Variants in SLC9B1 observed in about 807,000 individuals in gnomAD.
The protein encoded by SLC9B1 is sodium/hydrogen exchanger 9B1.
SLC9B1 carries 32 observed loss-of-function variants against 51.7 expected under a neutral mutation model. The observed-to-expected ratio is 0.62, with a 90% CI of 0.47 to 0.83. SLC9B1 has a LOEUF of 0.83. Among genes scored for constraint, SLC9B1 ranks in the 40% least tolerant of loss-of-function variants. The pLI is 0.00. For missense variants in SLC9B1, 406 were observed against 613.2 expected, an observed-to-expected ratio of 0.66 and a Z score of 3.57; for synonymous variants, 145 against 212.7, an observed-to-expected ratio of 0.68 and a Z score of 2.77.
At chr4:102,998,188 A>G (rs1347207507) in intron 1 of SLC9B1, among the ~76,000 whole-genome samples, 1 of 151,986 alleles carries the variant, frequency 6.6e-6, no homozygotes, top group East Asian at 1.9e-4. Context: ...CCCTCCTCCA[A>G]TCCCTGATAG....
At chr4:102,927,347 C>A (rs543526392) in intron 7 of SLC9B1, among the ~76,000 whole-genome samples, 1 of 150,762 alleles carries the variant, frequency 6.6e-6, no homozygotes, top group African/African-American at 2.4e-5. Flanking sequence ...TGCGATCTAC[C>A]CATTTGACAA....
At chr4:102,910,804 C>G (rs1179338523) in intron 8 of SLC9B1, among the ~76,000 whole-genome samples, 3 of 152,090 alleles carry the variant, frequency 2.0e-5, no homozygotes, top group African/African-American at 4.8e-5. Context: ...TCTGCCATAT[C>G]TCTGATACTA....
chr4:102,940,473 A>C (rs1445323576), intron 6 of SLC9B1, among the ~76,000 whole-genome samples: 1 of 152,160 alleles, frequency 6.6e-6, no homozygotes, highest in Non-Finnish European at 1.5e-5. Context: ...CATACTATCA[A>C]TGACATTTTT....
At chr4:103,006,798 A>C (rs768577815) in intron 1 of SLC9B1, among the ~76,000 whole-genome samples, 20 of 152,234 alleles carry the variant, frequency 1.3e-4, no homozygotes, top group Non-Finnish European at 2.5e-4. Context: ...ACGATCAAGT[A>C]GACTTTATCC....
chr4:102,890,477 T>C (rs1326379224), intron 11 of SLC9B1: 2 of 152,162 alleles, frequency 1.3e-5, no homozygotes, highest in Non-Finnish European at 2.9e-5. Flanking sequence ...TAGAATTCAG[T>C]TGTGGCAGCA....
At chr4:103,006,160 T>C (rs754632554) in intron 1 of SLC9B1, among the ~76,000 whole-genome samples, 1 of 151,274 alleles carries the variant, frequency 6.6e-6, no homozygotes, top group African/African-American at 2.4e-5. Flanking sequence ...AATCCAGGAG[T>C]TGGTTTTTTG....
intron 3 of SLC9B1, among the ~76,000 whole-genome samples, chr4:102,961,669 C>T (rs553738920): frequency 3.7e-4 from 57 of 152,162 alleles, no homozygotes; most frequent in Non-Finnish European, 6.5e-4. Context: ...CTTTAATTCC[C>T]ATTCACTATT....
downstream of SLC9B1, chr4:102,897,659 T>C (rs1041330905): frequency 1.5e-4 from 53 of 349,310 alleles, no homozygotes; most frequent in Non-Finnish European, 2.8e-4. Context: ...CTCCCTAAAT[T>C]GCTCAGGGTG....
chr4:102,947,904 C>G (rs761665465), intron 4 of SLC9B1, among the ~76,000 whole-genome samples: 1 of 147,494 alleles, frequency 6.8e-6, no homozygotes, highest in Non-Finnish European at 1.5e-5. Context: ...TCTACATACA[C>G]TTTAGAAAGT....
chr4:102,885,433 A>G, intron 11 of SLC9B1: 1 of 1,612,184 alleles, frequency 6.2e-7, no homozygotes, highest in South Asian at 1.1e-5. Context: ...CTAAAACGGT[A>G]AGATGTCTGT....
intron 11 of SLC9B1, chr4:102,892,015 A>G (rs1276044671): frequency 6.6e-6 from 1 of 152,166 alleles, no homozygotes; most frequent in Non-Finnish European, 1.5e-5. Context: ...CTTTTACTGG[A>G]AACTTGCTAT....
rs558553924 is a variant in SLC9B1 at position 103,011,507 on chromosome 4, G to A, written c.-2+8092C>T. Among the ~76,000 whole-genome samples, 10 of 152,262 alleles carry A rather than the reference G, an allele frequency of 6.6e-5. No individual in the cohort carries two copies. In the South Asian group the frequency reaches 1.9e-3, roughly 28 times the overall value. On this transcript the variant is annotated intron_variant, in intron 1 of 11. Coordinates refer to ENST00000296422, the MANE Select transcript of SLC9B1 (RefSeq NM_139173.4). ...AGCTCCACTAGGCATTGCTCTTATG[G>A]GGGCTCTCTGCGGTATCCCTGACTC...
At position 103,014,461 on chromosome 4, in the gene SLC9B1, G is replaced by A. The variant is rs535964176; in HGVS notation, c.-2+5138C>T. On this transcript the variant is annotated intron_variant, in intron 1 of 11. Coordinates refer to ENST00000296422, the MANE Select transcript of SLC9B1 (RefSeq NM_139173.4). ...GAGAGCCCATTATATTACAGATACT[G>A]TATTCTCCTCTGTATACAGAATGTG... is the stretch of plus-strand genomic sequence containing the variant. 3.2e-4 allele frequency among the ~76,000 whole-genome samples: 48 copies of A among 152,262 alleles called. 1 individual carries two copies. In the South Asian group the frequency reaches 1.0e-2, roughly 32 times the overall value.
chr4:103,011,637 A>G (rs1312059231), intron 1 of SLC9B1, among the ~76,000 whole-genome samples: 3 of 151,866 alleles, frequency 2.0e-5, no homozygotes, highest in Admixed American at 2.0e-4. Context: ...CTCCTTTGAA[A>G]TCTATGCGGA....
intron 3 of SLC9B1, among the ~76,000 whole-genome samples, chr4:102,961,270 T>C (rs561731520): frequency 1.3e-5 from 2 of 152,392 alleles, no homozygotes; most frequent in Non-Finnish European, 2.9e-5. Flanking sequence ...GATAATTTTA[T>C]GAAAGTAATA....
At position 102,893,281 on chromosome 4, in the gene SLC9B1, C is replaced by CAAAAAAAAAAAAAAAAAAAAA. The variant is rs58316456; in HGVS notation, c.1333-7974_1333-7954dup. Among the ~76,000 whole-genome samples the CAAAAAAAAAAAAAAAAAAAAA allele has an allele frequency of 4.0e-4, 14 of 35,168 alleles. 1 individual carries two copies. The highest frequency in any genetic ancestry group is 4.3e-4 in the Non-Finnish European group (9 of 20,838). 23.1% of individuals were successfully genotyped at this position (35,168 alleles called of 152,430 possible). A position where few individuals can be genotyped will look rare whatever the true frequency, so the allele number is the denominator to read the frequency against. On this transcript the variant is annotated intron_variant, in intron 11 of 11. Coordinates refer to the SLC9B1 transcript ENST00000394789. Reference sequence around the variant, plus strand: ...TGGGCCACAGAGCAAGACTCCATCTCAAAAAAAAAAAAAAAAAAAAAAAAG... The same window carrying CAAAAAAAAAAAAAAAAAAAAA: ...TGGGCCACAGAGCAAGACTCCATCTCAAAAAAAAAAAAAAAAAAAAAAAAAAAAAAAAAAAAAAAAAAAAAG...
chr4:102,985,060 T>G (rs1174172526), intron 3 of SLC9B1, among the ~76,000 whole-genome samples: 2 of 152,216 alleles, frequency 1.3e-5, no homozygotes, highest in African/African-American at 4.8e-5. Context: ...ATTAACCCTT[T>G]TATTATTATG....
At chr4:103,012,840 T>C (rs1741150665) in intron 1 of SLC9B1, among the ~76,000 whole-genome samples, 1 of 152,146 alleles carries the variant, frequency 6.6e-6, no homozygotes. Flanking sequence ...GTGGAAGGCA[T>C]GTAAAGGCAA....
chr4:102,960,930 C>G (rs1447775575), intron 3 of SLC9B1, among the ~76,000 whole-genome samples: 2 of 151,918 alleles, frequency 1.3e-5, no homozygotes, highest in African/African-American at 4.8e-5. Context: ...CAGGGTTTCT[C>G]CATGTTGGTC....
Sources: gnomAD v4.1 joint callset for allele counts (sites outside exome capture counted in the v4.1 genomes callset) on GRCh38, gnomAD v4.1.1 for gene constraint, MANE v1.5 for transcripts, NCBI Gene and HGNC (gene_info 2026-07-23, HGNC 2026-07-21) for gene names.